Variants in XRCC4 observed in about 807,000 individuals in gnomAD.
XRCC4 encodes the protein DNA repair protein XRCC4.
A neutral mutation model predicts 39.1 loss-of-function variants in XRCC4; 28 were observed. That is an observed-to-expected ratio of 0.72 (90% CI 0.53 to 0.98). The LOEUF (loss-of-function observed/expected upper bound fraction) is 0.98. XRCC4 is among the 50% of genes least tolerant of loss of function. XRCC4 has a pLI of 0.00. For missense variants in XRCC4, 350 were observed against 376.4 expected (o/e 0.93, Z 0.58); for synonymous variants, 123 against 126.4 (o/e 0.97, Z 0.18).
At chr5:83,162,745 C>T (rs980847670) in intron 3 of XRCC4, among the ~76,000 whole-genome samples, 7 of 152,098 alleles carry the variant, frequency 4.6e-5, no homozygotes, top group East Asian at 3.9e-4. Flanking sequence ...TGGCAGTTCA[C>T]GCCTAACAAT....
chr5:83,105,124 A>G (rs1746137345), intron 2 of XRCC4, 66 bp downstream of exon 2: 1 of 1,463,900 alleles, frequency 6.8e-7, no homozygotes, highest in Admixed American at 2.3e-5. Context: ...CCTCAGGGAT[A>G]CTTTTCCATT....
chr5:83,285,708 GTTGT>G (rs1754711125), intron 7 of XRCC4, among the ~76,000 whole-genome samples: 1 of 152,088 alleles, frequency 6.6e-6, no homozygotes, highest in African/African-American at 2.4e-5. Flanking sequence ...TCAAGGGGGG[GTTGT>G]TTGTTTCATT....
At chr5:83,152,077 T>C (rs933355134) in intron 3 of XRCC4, among the ~76,000 whole-genome samples, 1 of 152,216 alleles carries the variant, frequency 6.6e-6, no homozygotes, top group Admixed American at 6.5e-5. Flanking sequence ...TAATGACTAA[T>C]GTGATAGAAA....
At chr5:83,115,995 T>G (rs981829942) in intron 3 of XRCC4, among the ~76,000 whole-genome samples, 2 of 152,198 alleles carry the variant, frequency 1.3e-5, no homozygotes, top group Non-Finnish European at 2.9e-5. Context: ...CAAGTTCATT[T>G]GGCCAAGGTG....
chr5:83,294,792 A>G (rs1423258005), intron 7 of XRCC4, among the ~76,000 whole-genome samples: 4 of 152,040 alleles, frequency 2.6e-5, no homozygotes, highest in Admixed American at 1.3e-4. Flanking sequence ...CTAGTGATGT[A>G]TTACTAGTTC....
At chr5:83,296,613 T>C (rs1431844468) in intron 7 of XRCC4, among the ~76,000 whole-genome samples, 1 of 151,992 alleles carries the variant, frequency 6.6e-6, no homozygotes, top group Non-Finnish European at 1.5e-5. Context: ...GGTACATGAA[T>C]TATATTTTAT....
At chr5:83,235,795 A>G (rs2112830636) in intron 6 of XRCC4, among the ~76,000 whole-genome samples, 1 of 152,304 alleles carries the variant, frequency 6.6e-6, no homozygotes, top group African/African-American at 2.4e-5. Context: ...CCTTGTTTGC[A>G]TGAGATATGA....
chr5:83,120,072 AT>A (rs33923029), intron 3 of XRCC4, among the ~76,000 whole-genome samples: 28,712 of 151,122 alleles, frequency 0.19, 6,142 homozygotes, highest in African/African-American at 0.53. Context: ...AGAAAATAGC[AT>A]TGTAAAAACT....
chr5:83,247,861 C>T (rs1022749156), intron 6 of XRCC4, among the ~76,000 whole-genome samples: 1 of 152,146 alleles, frequency 6.6e-6, no homozygotes, highest in African/African-American at 2.4e-5. Context: ...ACTGACTTTA[C>T]AATAATATTC....
chr5:83,362,946 T>C, the XRCC4 span, among the ~76,000 whole-genome samples: 1 of 152,228 alleles, frequency 6.6e-6, no homozygotes, highest in African/African-American at 2.4e-5. Context: ...ATTGAACACT[T>C]TGTGCCAGGC....
chr5:83,275,309 T>G (rs1754287421), intron 7 of XRCC4, among the ~76,000 whole-genome samples: 1 of 151,430 alleles, frequency 6.6e-6, no homozygotes, highest in Non-Finnish European at 1.5e-5. Context: ...TTTTTTTTTT[T>G]TTTGAGACGG....
intron 3 of XRCC4, among the ~76,000 whole-genome samples, chr5:83,161,409 G>T (rs992445882): frequency 2.0e-5 from 3 of 152,192 alleles, no homozygotes; most frequent in Non-Finnish European, 4.4e-5. Context: ...TAGGATTACA[G>T]GTGTGAGCCA....
intron 6 of XRCC4, among the ~76,000 whole-genome samples, chr5:83,244,074 A>G (rs563602470): frequency 6.7e-6 from 1 of 150,148 alleles, no homozygotes; most frequent in Admixed American, 6.8e-5. Flanking sequence ...GAAGTGGTGT[A>G]ACTAATTTAA....
chr5:83,148,895 A>G (rs1417416790), intron 3 of XRCC4, among the ~76,000 whole-genome samples: 1 of 152,138 alleles, frequency 6.6e-6, no homozygotes, highest in Non-Finnish European at 1.5e-5. Flanking sequence ...GATTGTATCA[A>G]ATGTACTCAA....
intron 3 of XRCC4, among the ~76,000 whole-genome samples, chr5:83,164,945 G>A (rs542257748): frequency 3.2e-4 from 48 of 151,954 alleles, no homozygotes; most frequent in Admixed American, 2.0e-3. Flanking sequence ...TATTCTGATT[G>A]TGTTGCATTA....
chr5:83,359,869 A>C, the XRCC4 span, among the ~76,000 whole-genome samples: 1 of 152,098 alleles, frequency 6.6e-6, no homozygotes, highest in Non-Finnish European at 1.5e-5. Context: ...AATATGTGTA[A>C]TTTTCCTAAT....
intron 7 of XRCC4, among the ~76,000 whole-genome samples, chr5:83,316,795 G>C (rs1271312161): frequency 1.5e-5 from 2 of 137,684 alleles, no homozygotes; most frequent in Admixed American, 7.9e-5. Flanking sequence ...ACAGAACAAC[G>C]AGACAGAAAG....
rs527830575 is a variant in XRCC4 at position 83,339,559 on chromosome 5, T to C, written c.894-13572T>C. Among the ~76,000 whole-genome samples the C allele has an allele frequency of 2.6e-5, 4 of 151,998 alleles. No homozygotes were observed. In the South Asian group the frequency reaches 6.2e-4, roughly 24 times the overall value. On this transcript the variant is annotated intron_variant, in intron 7 of 7. Transcript: ENST00000396027. ...AGTTGATGGGTGCGGCAAACCACCA[T>C]GGCACCTGTATACCTATGTAACAAA...
intron 7 of XRCC4, among the ~76,000 whole-genome samples, chr5:83,281,203 CCTT>C (rs1485529758): frequency 6.6e-6 from 1 of 152,202 alleles, no homozygotes; most frequent in East Asian, 1.9e-4. Context: ...AAATCTGTCT[CCTT>C]CTTTCCATGC....
Sources: gnomAD v4.1 joint callset for allele counts (sites outside exome capture counted in the v4.1 genomes callset) on GRCh38, gnomAD v4.1.1 for gene constraint, MANE v1.5 for transcripts, NCBI Gene and HGNC (gene_info 2026-07-23, HGNC 2026-07-21) for gene names.